FARP2: variants seen among roughly 807,000 people sequenced by gnomAD.
The protein encoded by FARP2 is FERM, ARHGEF and pleckstrin domain-containing protein 2.
FARP2 carries 111 observed loss-of-function variants against 130.5 expected under a neutral mutation model. The observed-to-expected ratio is 0.85, with a 90% CI of 0.73 to 1.00. The LOEUF is 1.00. FARP2 is among the 50% of genes least tolerant of loss of function. The pLI, the probability that FARP2 is intolerant of heterozygous loss-of-function variation, is 0.00. For synonymous variants in FARP2, 504 were observed against 516.9 expected, an observed-to-expected ratio of 0.98 and a Z score of 0.34; for missense variants, 1,385 against 1,346.3, an observed-to-expected ratio of 1.03 and a Z score of -0.45.
At chr2:241,406,287 G>A (rs1424123686) in intron 4 of FARP2, among the ~76,000 whole-genome samples, 8 of 151,802 alleles carry the variant, frequency 5.3e-5, no homozygotes, top group African/African-American at 1.7e-4. Context: ...CAGCCTGGGC[G>A]ACAGAGAGAG....
At position 241,482,297 on chromosome 2, in the gene FARP2, C is replaced by T. The variant is rs375931428; in HGVS notation, c.2263-1168C>T. The stretch of plus-strand genomic sequence containing the variant: ...CCAGTGCATGGTGGAGAAGGCGCCC[C>T]GTGGGTCTGGGACGCACATCCTGTG... On this transcript the variant is annotated intron_variant, in intron 19 of 26. Coordinates refer to ENST00000264042, the MANE Select transcript of FARP2 (RefSeq NM_014808.4). This position sits in a 1 kb window ranked among gnomAD's most constrained non-coding sequence, Gnocchi z 4.6. Among the ~76,000 whole-genome samples, 11 of 152,150 alleles carry T rather than the reference C, an allele frequency of 7.2e-5. No homozygotes were observed. Among genetic ancestry groups the T allele is most frequent in the African/African-American group, 2.4e-4 (10 of 41,434 alleles).
At chr2:241,427,064 A>G (rs2062957139) in intron 8 of FARP2, among the ~76,000 whole-genome samples, 2 of 152,078 alleles carry the variant, frequency 1.3e-5, no homozygotes, top group Admixed American at 1.3e-4. Context: ...GTGAAACCCC[A>G]TCTCTACTAA....
intron 14 of FARP2, among the ~76,000 whole-genome samples, chr2:241,460,843 G>T (rs372738448): frequency 6.6e-6 from 1 of 152,210 alleles, no homozygotes; most frequent in South Asian, 2.1e-4. Context: ...GAAGAGCTGA[G>T]AGAACAGCAG....
chr2:241,388,834 A>G (rs1385847745), intron 2 of FARP2, among the ~76,000 whole-genome samples: 1 of 151,996 alleles, frequency 6.6e-6, no homozygotes, highest in East Asian at 1.9e-4. Flanking sequence ...TCCCAAAAAA[A>G]TATCTCTAAT....
intron 11 of FARP2, among the ~76,000 whole-genome samples, 175 bp downstream of exon 11, chr2:241,435,205 C>T (rs1381477202): frequency 6.6e-6 from 1 of 151,946 alleles, no homozygotes; most frequent in African/African-American, 2.4e-5. Flanking sequence ...GCAATCCTCC[C>T]ACCTCAGCCT....
chr2:241,434,841 A>C, intron 10 of FARP2, 121 bp from the exon 11 acceptor site: 1 of 691,954 alleles, frequency 1.4e-6, no homozygotes, highest in Non-Finnish European at 2.6e-6. Context: ...GTCTCAAAAA[A>C]TAAAATATAT....
At chr2:241,401,340 G>T (rs1333087268) in intron 2 of FARP2, among the ~76,000 whole-genome samples, 2 of 152,156 alleles carry the variant, frequency 1.3e-5, no homozygotes, top group Non-Finnish European at 2.9e-5. Context: ...AAGTGAAGAA[G>T]TAAGAATGCT....
intron 9 of FARP2, among the ~76,000 whole-genome samples, chr2:241,432,891 A>G (rs1444260098): frequency 6.6e-6 from 1 of 152,236 alleles, no homozygotes; most frequent in African/African-American, 2.4e-5. Context: ...TGGGAGATTT[A>G]GAGCCTTTGG....
intron 7 of FARP2, among the ~76,000 whole-genome samples, chr2:241,416,526 T>G (rs1221813390): frequency 6.6e-6 from 1 of 152,240 alleles, no homozygotes; most frequent in African/African-American, 2.4e-5. Context: ...TGTCTTATGA[T>G]TCTGATGGTT....
At chr2:241,493,188 G>A (rs2064993336) in intron 25 of FARP2, 105 bp from the exon 26 acceptor site, 1 of 1,368,054 alleles carries the variant, frequency 7.3e-7, no homozygotes, top group Non-Finnish European at 1.0e-6. Flanking sequence ...GGCTCCCTTG[G>A]CCCGTGGGCA....
intron 21 of FARP2, chr2:241,488,184 A>G (rs2064804247): frequency 6.6e-6 from 1 of 152,162 alleles, no homozygotes; most frequent in Non-Finnish European, 1.5e-5. Flanking sequence ...GAATGGTCGT[A>G]TGGGCACTTG....
rs1414486050 is a variant in FARP2 at position 241,466,657 on chromosome 2, G to A, written c.1894-1483G>A. ...TCACCACCCCTCACCCCCAGGCAGC[G>A]GGCCAGCCCCGCCTTCACTCCCCTT... On this transcript the variant is annotated intron_variant, in intron 17 of 26. Transcript: ENST00000264042. 93 of 961,626 alleles carry A rather than the reference G, an allele frequency of 9.7e-5. No individual in the cohort carries two copies. The African/African-American group carries it at 1.5e-3, about 16-fold the overall frequency. The allele number at this position is 961,626 out of a possible 1,614,324, so 59.6% of individuals were successfully genotyped here.
At chr2:241,387,546 C>T (rs555685654) in intron 2 of FARP2, among the ~76,000 whole-genome samples, 1 of 152,040 alleles carries the variant, frequency 6.6e-6, no homozygotes, top group Non-Finnish European at 1.5e-5. Flanking sequence ...GTAATCCCAG[C>T]ACTTTGGGAG....
rs903738523 is a variant in FARP2 at position 241,458,037 on chromosome 2, G to T, written c.1587+1115G>T. On this transcript the variant is annotated intron_variant, in intron 14 of 26. Coordinates refer to ENST00000264042, the MANE Select transcript of FARP2 (RefSeq NM_014808.4). ...GAGAGTCTGCAGGGAGAAAGTGACC[G>T]AGCAGAGAAGCTCACTGCTGGCAGG... Among the ~76,000 whole-genome samples the T allele has an allele frequency of 2.0e-5, 3 of 152,176 alleles. No homozygotes were observed. In the East Asian group the frequency reaches 5.8e-4, roughly 29 times the overall value.
chr2:241,362,172 C>T (rs2061203130), intron 1 of FARP2, among the ~76,000 whole-genome samples: 1 of 152,166 alleles, frequency 6.6e-6, no homozygotes, highest in African/African-American at 2.4e-5. Flanking sequence ...GCTGGGATTA[C>T]AGGTGTGAGC....
chr2:241,480,468 G>A (rs1457975894), intron 19 of FARP2, among the ~76,000 whole-genome samples: 1 of 152,126 alleles, frequency 6.6e-6, no homozygotes, highest in African/African-American at 2.4e-5. Context: ...ACTCTCTGGG[G>A]AGCTGCTGGC....
At chr2:241,453,789 T>G (rs1233081231) in intron 13 of FARP2, among the ~76,000 whole-genome samples, 15 of 122,918 alleles carry the variant, frequency 1.2e-4, no homozygotes, top group African/African-American at 3.4e-4. Context: ...TTTTTTTTTT[T>G]TTTTTTTTTT....
At chr2:241,486,677 T>C (rs920392668) in intron 21 of FARP2, among the ~76,000 whole-genome samples, 2 of 152,124 alleles carry the variant, frequency 1.3e-5, no homozygotes, top group Non-Finnish European at 2.9e-5. Flanking sequence ...CTGTGGCTGG[T>C]TGTTGAGGAC....
At chr2:241,456,491 C>G (rs560997970) in intron 13 of FARP2, 24 of 413,818 alleles carry the variant, frequency 5.8e-5, no homozygotes, top group Admixed American at 1.7e-4. Context: ...TCCAGGCCCC[C>G]CTAGAGTCCG....
Sources: gnomAD v4.1 joint callset for allele counts (sites outside exome capture counted in the v4.1 genomes callset) on GRCh38, gnomAD v4.1.1 for gene constraint, Gnocchi (gnomAD v3.1) non-coding constraint, MANE v1.5 for transcripts, NCBI Gene and HGNC (gene_info 2026-07-23, HGNC 2026-07-21) for gene names.